Variants in RBM26 observed in about 807,000 individuals in gnomAD.
RBM26 encodes RNA binding motif protein 26, also known as RNA-binding protein 26.
A neutral mutation model predicts 123.6 loss-of-function variants in RBM26; 30 were observed. The ratio of observed to expected loss-of-function variants is 0.24; its 90% CI spans 0.18 to 0.33. The LOEUF (loss-of-function observed/expected upper bound fraction) is 0.33. Ranked by LOEUF, RBM26 falls within the 10% of genes least tolerant of loss-of-function variation. RBM26 has a pLI of 1.00. For synonymous variants in RBM26, 400 were observed against 404.4 expected, an observed-to-expected ratio of 0.99 and a Z score of 0.13; for missense variants, 947 against 1,203.6, an observed-to-expected ratio of 0.79 and a Z score of 3.15.
chr13:79,405,874 T>A lies in RBM26; in HGVS notation c.-100A>T. ...CCCCCTCCTCCGCGCGCCGCCCGCG[T>A]GGGCCGCGGTGGGAGGCGCCGGTGG... is the stretch of plus-strand genomic sequence containing the variant. On this transcript the variant is annotated 5_prime_UTR_variant, in exon 1 of 22. Transcript: ENST00000438737. 5.0e-6 allele frequency: 3 copies of A among 598,122 alleles called. No homozygotes were observed. Among genetic ancestry groups the A allele is most frequent in the Non-Finnish European group, 7.3e-6 (3 of 408,290 alleles). The allele number at this position is 598,122 out of a possible 1,614,324, so 37.1% of individuals were successfully genotyped here.
intron 9 of RBM26, among the ~76,000 whole-genome samples, chr13:79,364,021 C>A (rs990773837): frequency 6.6e-6 from 1 of 152,114 alleles, no homozygotes; most frequent in African/African-American, 2.4e-5. Flanking sequence ...AGGTGGGAGA[C>A]AGGTTCAGGA....
chr13:79,402,520 C>A (rs749764518), intron 1 of RBM26, among the ~76,000 whole-genome samples: 7 of 151,398 alleles, frequency 4.6e-5, no homozygotes, highest in Non-Finnish European at 8.8e-5. Context: ...TCAATAACAT[C>A]CAAAGTCTTA....
At chr13:79,404,004 C>T (rs9545105) in intron 1 of RBM26, among the ~76,000 whole-genome samples, 150,027 of 152,076 alleles carry the variant, frequency 0.99, 74,044 homozygotes, top group East Asian at 1. Flanking sequence ...CTCTTCCCTA[C>T]CTACACACTT....
At chr13:79,392,790 G>C (rs1005446765) in intron 1 of RBM26, among the ~76,000 whole-genome samples, 2 of 105,342 alleles carry the variant, frequency 1.9e-5, no homozygotes, top group African/African-American at 7.8e-5. Context: ...AGCTTGAGAA[G>C]ACCAAAAAAA....
chr13:79,330,069 G>A (rs574236937), intron 20 of RBM26, among the ~76,000 whole-genome samples: 7 of 152,130 alleles, frequency 4.6e-5, no homozygotes, highest in African/African-American at 7.2e-5. Flanking sequence ...GCCCTAAGTC[G>A]ATAACTGTTG....
intron 1 of RBM26, among the ~76,000 whole-genome samples, chr13:79,399,513 A>G (rs1184085339): frequency 6.6e-6 from 1 of 152,192 alleles, no homozygotes; most frequent in Non-Finnish European, 1.5e-5. Flanking sequence ...AGACTCATAT[A>G]AAAAGTAGAA....
At chr13:79,381,146 T>G (rs1294873064) in intron 1 of RBM26, among the ~76,000 whole-genome samples, 1 of 152,054 alleles carries the variant, frequency 6.6e-6, no homozygotes, top group African/African-American at 2.4e-5. Flanking sequence ...GGCTCTCACT[T>G]TACTGATAAA....
At chr13:79,392,081 ATAAT>A (rs1443671786) in intron 1 of RBM26, among the ~76,000 whole-genome samples, 5 of 135,358 alleles carry the variant, frequency 3.7e-5, no homozygotes, top group African/African-American at 1.4e-4. Context: ...ACAATAATAC[ATAAT>A]TATATAATAA....
intron 3 of RBM26, chr13:79,376,426 T>G (rs892145898): frequency 1.3e-5 from 2 of 152,234 alleles, no homozygotes; most frequent in Non-Finnish European, 2.9e-5. Flanking sequence ...CTCAAACTCC[T>G]GGGCTCAAGT....
chr13:79,368,268 C>T (rs1442549002), intron 6 of RBM26, among the ~76,000 whole-genome samples: 6 of 152,268 alleles, frequency 3.9e-5, no homozygotes, highest in Non-Finnish European at 4.4e-5. Flanking sequence ...CCTCATGATC[C>T]ACCCACCTCA....
At chr13:79,357,036 CATAA>C (rs35097483) in intron 11 of RBM26, among the ~76,000 whole-genome samples, 72,786 of 151,538 alleles carry the variant, frequency 0.48, 17,969 homozygotes, top group East Asian at 0.72. Context: ...ACTATGGGCT[CATAA>C]ATAGTTTTAA....
intron 1 of RBM26, among the ~76,000 whole-genome samples, chr13:79,400,379 CCTCCCATGGCAGAAGTCAGAGGT>C (rs2078961360): frequency 2.0e-5 from 3 of 152,118 alleles, no homozygotes; most frequent in Non-Finnish European, 2.9e-5. Context: ...CTCCGGAGTT[CCTCCCATGGCAGAAGTCAGAGGT>C]CTCCCATAGC....
At chr13:79,386,036 G>T (rs2077450200) in intron 1 of RBM26, among the ~76,000 whole-genome samples, 1 of 151,758 alleles carries the variant, frequency 6.6e-6, no homozygotes, top group Non-Finnish European at 1.5e-5. Flanking sequence ...GCAGGTCAGG[G>T]ATAGGCAGAG....
rs752838057 is a variant in RBM26 at position 79,368,910 on chromosome 13, G to A, written c.715C>T (p.Pro239Ser). The A allele has an allele frequency of 3.7e-6, 6 of 1,611,380 alleles. No homozygotes were observed. The highest frequency in any genetic ancestry group is 3.3e-5 in the Admixed American group (2 of 59,990). Residue 239 changes from proline (P) to serine (S), a missense_variant, in exon 6 of 22, where the codon CCT (proline) becomes TCT (serine). Around this residue, in one of 5 missense-constraint regions of RBM26, gnomAD observed 275 missense variants for 361.0 expected, o/e 0.76. Transcript: ENST00000438737. ...ENNYTPVSSV[P>S]SISSGHYPVP... is the part of the protein sequence containing the mutation. ...GGGTAGTGGCCAGATGAAATACTAG[G>A]TACCGAAGAGACTGGAGTATAATTA...
intron 1 of RBM26, among the ~76,000 whole-genome samples, chr13:79,397,146 AC>A (rs2078641855): frequency 6.6e-6 from 1 of 152,196 alleles, no homozygotes; most frequent in Admixed American, 6.5e-5. Context: ...GCACCACTGC[AC>A]TCCAGCCTGG....
intron 1 of RBM26, among the ~76,000 whole-genome samples, chr13:79,391,993 ATTATTATATAATTATATATT>A (rs1163503471): frequency 3.4e-4 from 30 of 88,412 alleles, no homozygotes; most frequent in Non-Finnish European, 4.5e-4. Context: ...TATGCAATAC[ATTATTATATAATTATATATT>A]ATACATTATT....
Position 79,371,147 on chromosome 13 carries a change from C to A in RBM26, c.432G>T (p.Arg144Ser). Reference protein sequence around the residue: ...RYRENRSRDERKKDDRSRKRD... With the variant: ...RYRENRSRDESKKDDRSRKRD... The stretch of plus-strand genomic sequence containing the variant: ...TTTTGCGAGAACGATCATCTTTTTT[C>A]CTCTCATCACGGCTTCTAAAGAAAT... Residue 144 changes from arginine (R) to serine (S), a missense_variant, in exon 5 of 22, where the codon AGG (arginine) becomes AGT (serine). Transcript: ENST00000438737. 2.5e-6 allele frequency: 4 copies of A among 1,613,742 alleles called. No homozygotes were observed. The highest frequency in any genetic ancestry group is 3.4e-6 in the Non-Finnish European group (4 of 1,179,886).
At chr13:79,368,246 T>C (rs2139955231) in intron 6 of RBM26, among the ~76,000 whole-genome samples, 1 of 152,330 alleles carries the variant, frequency 6.6e-6, no homozygotes, top group South Asian at 2.1e-4. Flanking sequence ...CAGGATGGTC[T>C]AGATCTCCTG....
chr13:79,405,829 T>TACAGCCGCCGCTGCCCCC lies in RBM26; in HGVS notation c.-73_-56dup. 1 of 1,166,398 alleles carries TACAGCCGCCGCTGCCCCC rather than the reference T, an allele frequency of 8.6e-7. No individual in the cohort carries two copies. Among genetic ancestry groups the TACAGCCGCCGCTGCCCCC allele is most frequent in the Non-Finnish European group, 1.2e-6 (1 of 848,142 alleles). The allele number at this position is 1,166,398 out of a possible 1,614,324, so 72.3% of individuals were successfully genotyped here. On this transcript the variant is annotated 5_prime_UTR_variant, in exon 1 of 22. Transcript: ENST00000438737. ...CTCCGCCCGCCCAGGTCGCGGCCGC[T>TACAGCCGCCGCTGCCCCC]ACAGCCGCCGCTGCCCCCGCCCCCT...
Sources: gnomAD v4.1 joint callset for allele counts (sites outside exome capture counted in the v4.1 genomes callset) on GRCh38, gnomAD v4.1.1 for gene constraint, gnomAD v4.1.1 regional missense constraint, MANE v1.5 for transcripts, NCBI Gene and HGNC (gene_info 2026-07-23, HGNC 2026-07-21) for gene names.